Variants in FHIT observed in about 807,000 individuals in gnomAD.
FHIT encodes fragile histidine triad diadenosine triphosphatase.
FHIT carries 19 observed loss-of-function variants against 17.9 expected under a neutral mutation model. The ratio of observed to expected loss-of-function variants is 1.06; its 90% CI spans 0.74 to 1.56. The LOEUF (loss-of-function observed/expected upper bound fraction) is 1.56. Ranked by LOEUF, FHIT falls within the 40% of genes most tolerant of loss-of-function variation. The pLI, the probability that FHIT is intolerant of heterozygous loss-of-function variation, is 0.00. For synonymous variants in FHIT, 81 were observed against 69.7 expected (o/e 1.16, Z -0.81); for missense variants, 248 against 189.2 (o/e 1.31, Z -1.82).
Position 60,823,562 on chromosome 3 carries a change from G to A in FHIT, c.-110-1551C>T, listed in dbSNP as rs909394609. 4.6e-5 allele frequency among the ~76,000 whole-genome samples: 7 copies of A among 152,256 alleles called. No homozygotes were observed. The East Asian group carries it at 9.7e-4, about 21-fold the overall frequency. On this transcript the variant is annotated intron_variant, in intron 3 of 9. Coordinates refer to ENST00000492590, the MANE Select transcript of FHIT (RefSeq NM_002012.4). Reference sequence around the variant, plus strand: ...TGGAGTTATGTAGCTGCAAGCCAAGGATTGCCAGCAAATCACTAGAAGTTA... The same window carrying A: ...TGGAGTTATGTAGCTGCAAGCCAAGAATTGCCAGCAAATCACTAGAAGTTA...
chr3:61,060,996 T>A (rs1360097257), intron 2 of FHIT, among the ~76,000 whole-genome samples: 6 of 152,244 alleles, frequency 3.9e-5, no homozygotes, highest in African/African-American at 1.4e-4. Flanking sequence ...TTTGATGCAT[T>A]CATCCTTGAG....
intron 8 of FHIT, among the ~76,000 whole-genome samples, chr3:59,905,967 G>A (rs190177133): frequency 2.0e-4 from 31 of 152,280 alleles, no homozygotes; most frequent in African/African-American, 7.2e-4. Flanking sequence ...TTTTCTGGAA[G>A]GTACTGTGTG....
chr3:60,185,111 T>C (rs1272956719), intron 5 of FHIT, among the ~76,000 whole-genome samples: 1 of 152,192 alleles, frequency 6.6e-6, no homozygotes, highest in Non-Finnish European at 1.5e-5. Context: ...GAAATGGAAT[T>C]AGAAACAAAG....
Position 61,190,156 on chromosome 3 carries a change from A to C in FHIT, c.-164+10461T>G, listed in dbSNP as rs1183262806. On this transcript the variant is annotated intron_variant, in intron 2 of 9. Transcript: ENST00000492590. ...ATCAGAGTGAACAGGCAACCTACAG[A>C]ATGGGAGAAAATTTTTGCAATCTAC... Among the ~76,000 whole-genome samples the C allele has an allele frequency of 2.0e-4, 31 of 152,342 alleles. 1 individual carries two copies. The highest frequency in any genetic ancestry group is 7.2e-4 in the African/African-American group (30 of 41,576).
intron 3 of FHIT, among the ~76,000 whole-genome samples, chr3:60,910,123 G>A (rs782363869): frequency 2.6e-5 from 4 of 152,014 alleles, no homozygotes; most frequent in Non-Finnish European, 5.9e-5. Flanking sequence ...TTCAATTGAG[G>A]TGCCCCATCT....
At chr3:61,050,039 T>C (rs989977549) in intron 2 of FHIT, among the ~76,000 whole-genome samples, 1 of 152,160 alleles carries the variant, frequency 6.6e-6, no homozygotes, top group Non-Finnish European at 1.5e-5. Flanking sequence ...CTCTTCCCAC[T>C]CTTCATCAAA....
chr3:61,176,873 G>T (rs1183653026), intron 2 of FHIT, among the ~76,000 whole-genome samples: 1 of 152,176 alleles, frequency 6.6e-6, no homozygotes, highest in Non-Finnish European at 1.5e-5. Context: ...GTGGCAAAGA[G>T]ATCTTGAAAG....
intron 3 of FHIT, among the ~76,000 whole-genome samples, chr3:60,827,262 C>G (rs782177313): frequency 1.3e-5 from 2 of 152,120 alleles, no homozygotes; most frequent in Non-Finnish European, 2.9e-5. Flanking sequence ...TAAAAAGAAA[C>G]AACCAAACCT....
At chr3:61,036,308 G>C (rs1396729671) in intron 3 of FHIT, among the ~76,000 whole-genome samples, 1 of 151,328 alleles carries the variant, frequency 6.6e-6, no homozygotes, top group Non-Finnish European at 1.5e-5. Flanking sequence ...CTATTCATGA[G>C]GGATCAGCCC....
chr3:61,006,767 T>C (rs2031479350), intron 3 of FHIT, among the ~76,000 whole-genome samples: 1 of 152,112 alleles, frequency 6.6e-6, no homozygotes, highest in Non-Finnish European at 1.5e-5. Flanking sequence ...ATATACAGAA[T>C]GAATAAAGCA....
intron 4 of FHIT, among the ~76,000 whole-genome samples, chr3:60,671,020 CTT>C (rs1553693685): frequency 6.6e-6 from 1 of 152,166 alleles, no homozygotes; most frequent in Non-Finnish European, 1.5e-5. Flanking sequence ...GATGTACTGA[CTT>C]TTCACTGTAG....
intron 3 of FHIT, among the ~76,000 whole-genome samples, chr3:60,958,280 A>T (rs1575753170): frequency 6.6e-6 from 1 of 152,178 alleles, no homozygotes; most frequent in Admixed American, 6.5e-5. Flanking sequence ...AAAATTCTCT[A>T]CCTAGACATA....
At chr3:59,969,317 A>G (rs564274169) in intron 7 of FHIT, among the ~76,000 whole-genome samples, 22 of 152,238 alleles carry the variant, frequency 1.4e-4, no homozygotes, top group Admixed American at 4.6e-4. Flanking sequence ...CTTCATTTGT[A>G]TGTGGTTGCA....
In FHIT at chr3:59,944,668, C is replaced by T. The variant is rs528082521; in HGVS notation, c.280-22254G>A. 4.6e-5 allele frequency among the ~76,000 whole-genome samples: 7 copies of T among 152,218 alleles called. 1 individual carries two copies. The South Asian group carries it at 1.5e-3, about 32-fold the overall frequency. On this transcript the variant is annotated intron_variant, in intron 7 of 9. Transcript: ENST00000492590. ...CCAATGGGTAATTCTTTGATCCGCT[C>T]CCTTCACCCACCTTCTACACTCAAA...
At chr3:60,723,817 G>C (rs1481977162) in intron 4 of FHIT, among the ~76,000 whole-genome samples, 2 of 152,156 alleles carry the variant, frequency 1.3e-5, no homozygotes, top group African/African-American at 4.8e-5. Context: ...GACTCATTCA[G>C]CATTCTATTT....
intron 7 of FHIT, among the ~76,000 whole-genome samples, chr3:60,007,827 ACTC>A (rs1256994598): frequency 6.6e-6 from 1 of 151,902 alleles, no homozygotes; most frequent in Non-Finnish European, 1.5e-5. Context: ...AGAGGGCAGA[ACTC>A]CTCTGGAATG....
At chr3:60,710,443 C>T (rs560477161) in intron 4 of FHIT, among the ~76,000 whole-genome samples, 27 of 152,258 alleles carry the variant, frequency 1.8e-4, no homozygotes, top group Non-Finnish European at 1.3e-4. Flanking sequence ...TGCAGTGCAC[C>T]GTGCACCAGC....
At chr3:60,134,179 A>G (rs187112704) in intron 5 of FHIT, among the ~76,000 whole-genome samples, 28 of 152,338 alleles carry the variant, frequency 1.8e-4, no homozygotes, top group Admixed American at 1.2e-3. Flanking sequence ...AAGTTTAAAC[A>G]TAAGTAATTG....
chr3:60,869,461 G>T (rs1364437702), intron 3 of FHIT, among the ~76,000 whole-genome samples: 1 of 152,056 alleles, frequency 6.6e-6, no homozygotes. Flanking sequence ...ATTCTCATAG[G>T]GAAATATGGT....
Sources: gnomAD v4.1 joint callset for allele counts (sites outside exome capture counted in the v4.1 genomes callset) on GRCh38, gnomAD v4.1.1 for gene constraint, MANE v1.5 for transcripts, NCBI Gene and HGNC (gene_info 2026-07-23, HGNC 2026-07-21) for gene names.